PLXDC2: variants seen among roughly 807,000 people sequenced by gnomAD.
PLXDC2 encodes plexin domain containing 2.
In PLXDC2, 40 loss-of-function variants were observed where a neutral mutation model predicts 68.9. The ratio of observed to expected loss-of-function variants is 0.58; its 90% CI spans 0.45 to 0.76. The LOEUF (loss-of-function observed/expected upper bound fraction) is 0.76, where lower values mean the gene tolerates loss of function less well. Ranked by LOEUF, PLXDC2 falls within the 30% of genes least tolerant of loss-of-function variation. The pLI, the probability that PLXDC2 is intolerant of heterozygous loss-of-function variation, is 0.00. For missense variants in PLXDC2, 644 were observed against 661.9 expected (o/e 0.97, Z 0.30); for synonymous variants, 243 against 234.2 (o/e 1.04, Z -0.34).
At chr10:20,219,866 T>G (rs536428395) in intron 12 of PLXDC2, among the ~76,000 whole-genome samples, 122 of 152,312 alleles carry the variant, frequency 8.0e-4, no homozygotes, top group African/African-American at 2.1e-3. Flanking sequence ...GGCATGGTTT[T>G]GCCTTTAAAG....
intron 1 of PLXDC2, among the ~76,000 whole-genome samples, chr10:19,856,145 G>A (rs1266353453): frequency 6.6e-6 from 1 of 151,894 alleles, no homozygotes; most frequent in African/African-American, 2.4e-5. Context: ...TTTAAAAACT[G>A]GGTATGTCAG....
intron 2 of PLXDC2, among the ~76,000 whole-genome samples, chr10:20,016,614 G>A (rs1194130105): frequency 6.6e-6 from 1 of 152,178 alleles, no homozygotes; most frequent in Non-Finnish European, 1.5e-5. Context: ...GTGTTTACCT[G>A]GTGGCCATGG....
chr10:19,850,380 T>C (rs1271331519), intron 1 of PLXDC2, among the ~76,000 whole-genome samples: 1 of 152,160 alleles, frequency 6.6e-6, no homozygotes, highest in Non-Finnish European at 1.5e-5. Flanking sequence ...ATACTTCCTT[T>C]AGTAAAAGTC....
intron 4 of PLXDC2, among the ~76,000 whole-genome samples, chr10:20,082,070 A>AAAAAAAAAAAAAAAAAAC (rs1554765383): frequency 2.5e-5 from 3 of 121,926 alleles, no homozygotes; most frequent in East Asian, 3.0e-4. Context: ...AAATCAAAAA[A>AAAAAAAAAAAAAAAAAAC]AAAAAACAGG....
intron 1 of PLXDC2, among the ~76,000 whole-genome samples, chr10:19,855,613 T>C (rs1422396561): frequency 6.6e-6 from 1 of 152,228 alleles, no homozygotes; most frequent in Admixed American, 6.5e-5. Flanking sequence ...CCTAAATATC[T>C]GAAATCTAAA....
At chr10:19,903,945 G>A (rs1838201335) in intron 1 of PLXDC2, among the ~76,000 whole-genome samples, 1 of 152,028 alleles carries the variant, frequency 6.6e-6, no homozygotes, top group Admixed American at 6.6e-5. Flanking sequence ...TTGACCCAAT[G>A]ATCATTCAGG....
intron 9 of PLXDC2, among the ~76,000 whole-genome samples, chr10:20,182,071 T>TTG (rs111252782): frequency 0.27 from 39,845 of 146,376 alleles, 6,013 homozygotes; most frequent in East Asian, 0.45. Context: ...AACCGGTTAT[T>TTG]TGTGTGTGTG....
intron 1 of PLXDC2, among the ~76,000 whole-genome samples, chr10:19,886,003 A>C (rs1228656476): frequency 6.6e-6 from 1 of 152,068 alleles, no homozygotes; most frequent in Non-Finnish European, 1.5e-5. Flanking sequence ...ATGTTCTTCC[A>C]TTTGTTTGTA....
At chr10:20,005,474 G>T (rs1835012206) in intron 2 of PLXDC2, among the ~76,000 whole-genome samples, 1 of 152,052 alleles carries the variant, frequency 6.6e-6, no homozygotes, top group Non-Finnish European at 1.5e-5. Flanking sequence ...GGCCATTTTT[G>T]CCTTCCTATA....
At chr10:19,850,413 G>A (rs569949560) in intron 1 of PLXDC2, among the ~76,000 whole-genome samples, 3 of 151,998 alleles carry the variant, frequency 2.0e-5, no homozygotes, top group East Asian at 3.9e-4. Flanking sequence ...AATATTCAGC[G>A]AGAAGTTAGC....
At chr10:20,183,200 G>A (rs1053477020) in intron 9 of PLXDC2, among the ~76,000 whole-genome samples, 3 of 151,880 alleles carry the variant, frequency 2.0e-5, no homozygotes, top group African/African-American at 4.8e-5. Flanking sequence ...GGATATGTAA[G>A]CCAGGAATTC....
At chr10:20,143,815 ATGACT>A (rs1834037636) in intron 5 of PLXDC2, among the ~76,000 whole-genome samples, 1 of 152,256 alleles carries the variant, frequency 6.6e-6, no homozygotes, top group African/African-American at 2.4e-5. Context: ...TCCAAAACTT[ATGACT>A]TGTATGTATC....
intron 4 of PLXDC2, among the ~76,000 whole-genome samples, chr10:20,074,002 G>A (rs1040902493): frequency 6.6e-6 from 1 of 152,112 alleles, no homozygotes; most frequent in African/African-American, 2.4e-5. Context: ...ACAACTTTAT[G>A]TAAAGGGGAA....
chr10:20,130,083 A>G (rs1407376737), intron 4 of PLXDC2, among the ~76,000 whole-genome samples: 1 of 151,660 alleles, frequency 6.6e-6, no homozygotes, highest in Non-Finnish European at 1.5e-5. Flanking sequence ...TGCATTTAAT[A>G]TGTAGATTGC....
intron 13 of PLXDC2, among the ~76,000 whole-genome samples, chr10:20,275,144 A>C (rs2119390695): frequency 6.6e-6 from 1 of 152,266 alleles, no homozygotes; most frequent in Admixed American, 6.5e-5. Flanking sequence ...GCAAAAACAA[A>C]CCTTCAATTC....
At chr10:19,987,414 C>A (rs1242796217) in intron 1 of PLXDC2, among the ~76,000 whole-genome samples, 1 of 151,956 alleles carries the variant, frequency 6.6e-6, no homozygotes, top group East Asian at 1.9e-4. Context: ...TAATTTTTTA[C>A]CGATTTAATA....
At chr10:20,258,335 C>G (rs76400555) in intron 13 of PLXDC2, among the ~76,000 whole-genome samples, 3 of 151,944 alleles carry the variant, frequency 2.0e-5, no homozygotes, top group Non-Finnish European at 4.4e-5. Context: ...TCCTTCCTTT[C>G]GCCGAAGACT....
rs1835848380 is a variant in PLXDC2, at chr10:20,264,671, A to G, written c.1474-15032A>G. On this transcript the variant is annotated intron_variant, in intron 13 of 13. Transcript: ENST00000377252. ...AACTAGAATAATGGAAGAGTAAATA[A>G]ACACAATTCTTAATGTATTACAAGA... Among the ~76,000 whole-genome samples, 3 of 152,044 alleles carry G rather than the reference A, an allele frequency of 2.0e-5. No individual in the cohort carries two copies. In the South Asian group the frequency reaches 6.2e-4, roughly 32 times the overall value.
Position 19,817,099 on chromosome 10 carries a change from C to G in PLXDC2, c.20C>G (p.Ala7Gly). 6.4e-7 allele frequency: 1 copy of G among 1,558,080 alleles called. No homozygotes were observed. Among genetic ancestry groups the G allele is most frequent in the Non-Finnish European group, 8.7e-7 (1 of 1,149,796 alleles). The change falls in exon 1 of 14, where the codon GCC becomes GGC. Residue 7 changes from alanine (A) to glycine (G), a missense_variant. By Grantham distance (60) the Ala-to-Gly change is moderately conservative (BLOSUM62 0). Coordinates refer to ENST00000377252, the MANE Select transcript of PLXDC2 (RefSeq NM_032812.9). Reference sequence around the variant, plus strand: ...GGCGGCATGGCGAGGTTCCCGAAGGCCGACCTGGCCGCTGCAGGAGTTATG... The same window carrying G: ...GGCGGCATGGCGAGGTTCCCGAAGGGCGACCTGGCCGCTGCAGGAGTTATG... MARFPK[A>G]DLAAAGVMLL...
Sources: allele counts gnomAD v4.1 joint callset (sites outside exome capture counted in the v4.1 genomes callset), GRCh38; gene constraint gnomAD v4.1.1; transcripts MANE v1.5; gene names NCBI Gene and HGNC (gene_info 2026-07-23, HGNC 2026-07-21).